Variants in LINGO2 observed in about 807,000 individuals in gnomAD.
LINGO2 encodes leucine rich repeat and Ig domain containing 2.
LINGO2 carries 14 observed loss-of-function variants against 30.6 expected under a neutral mutation model. The observed-to-expected ratio is 0.46, with a 90% CI of 0.30 to 0.72. The LOEUF (loss-of-function observed/expected upper bound fraction) is 0.72, where lower values mean the gene tolerates loss of function less well. Ranked by LOEUF, LINGO2 falls within the 30% of genes least tolerant of loss-of-function variation. The probability of loss-of-function intolerance (pLI) is 0.07; values close to 1 mark genes in which losing one functional copy is unlikely to be tolerated. For missense variants in LINGO2, 729 were observed against 751.7 expected (o/e 0.97, Z 0.35); for synonymous variants, 317 against 288.5 (o/e 1.10, Z -1.00).
At chr9:28,553,186 G>A (rs577785834) in intron 1 of LINGO2, among the ~76,000 whole-genome samples, 2 of 152,122 alleles carry the variant, frequency 1.3e-5, no homozygotes, top group East Asian at 1.9e-4. Context: ...GGCTTCAGAC[G>A]ATCAAATTAC....
chr9:29,062,253 A>G, the LINGO2 span, among the ~76,000 whole-genome samples: 1 of 152,138 alleles, frequency 6.6e-6, no homozygotes, highest in Non-Finnish European at 1.5e-5. Context: ...ATAAAATGGT[A>G]CAGCCATTAT....
At chr9:29,120,628 C>T in the LINGO2 span, among the ~76,000 whole-genome samples, 1 of 152,150 alleles carries the variant, frequency 6.6e-6, no homozygotes, top group African/African-American at 2.4e-5. Flanking sequence ...CTCCTACGTG[C>T]TATGCTTCTG....
intron 4 of LINGO2, among the ~76,000 whole-genome samples, chr9:28,052,960 C>T (rs1223305453): frequency 7.9e-6 from 1 of 126,708 alleles, no homozygotes; most frequent in Admixed American, 7.2e-5. Flanking sequence ...ATTGAGCATC[C>T]AGTACATGTA....
intron 1 of LINGO2, among the ~76,000 whole-genome samples, chr9:28,538,694 G>A (rs1821540923): frequency 6.6e-6 from 1 of 152,074 alleles, no homozygotes; most frequent in Non-Finnish European, 1.5e-5. Context: ...GGCAGAATTT[G>A]GAAGGTGCAA....
chr9:29,016,278 C>T, the LINGO2 span, among the ~76,000 whole-genome samples: 1 of 152,084 alleles, frequency 6.6e-6, no homozygotes, highest in Admixed American at 6.6e-5. Context: ...CAAGGTACCC[C>T]AGAGGGGAAG....
At chr9:28,975,333 T>A in the LINGO2 span, among the ~76,000 whole-genome samples, 1 of 152,206 alleles carries the variant, frequency 6.6e-6, no homozygotes, top group Non-Finnish European at 1.5e-5. Flanking sequence ...TTAAGGCTGA[T>A]GACCTATGAA....
intron 1 of LINGO2, among the ~76,000 whole-genome samples, chr9:28,607,906 C>G (rs1269744839): frequency 6.6e-6 from 1 of 151,980 alleles, no homozygotes; most frequent in Non-Finnish European, 1.5e-5. Context: ...CCAGAAACAA[C>G]AAACAACTGG....
the LINGO2 span, among the ~76,000 whole-genome samples, chr9:28,698,634 G>A: frequency 1.3e-5 from 2 of 151,804 alleles, no homozygotes; most frequent in Admixed American, 1.3e-4. Flanking sequence ...TTTTTTAAGA[G>A]TTTATTTTTT....
chr9:28,949,268 T>C, the LINGO2 span, among the ~76,000 whole-genome samples: 3 of 151,678 alleles, frequency 2.0e-5, no homozygotes, highest in Admixed American at 6.6e-5. Flanking sequence ...AGACCAGAAC[T>C]GAAGGAGATA....
chr9:28,471,104 A>G (rs978922996), intron 2 of LINGO2, among the ~76,000 whole-genome samples: 105 of 152,042 alleles, frequency 6.9e-4, no homozygotes, highest in African/African-American at 2.4e-3. Flanking sequence ...AACTTAGAGA[A>G]AGCCAAGGAA....
the LINGO2 span, among the ~76,000 whole-genome samples, chr9:29,171,932 C>A: frequency 6.6e-6 from 1 of 151,708 alleles, no homozygotes. Context: ...TAATGTATTA[C>A]CTGTGTAATA....
At chr9:28,851,370 A>G in the LINGO2 span, among the ~76,000 whole-genome samples, 4 of 151,974 alleles carry the variant, frequency 2.6e-5, no homozygotes, top group African/African-American at 9.7e-5. Context: ...GTCATTTCAT[A>G]TTGCTGCCTC....
chr9:28,880,137 C>G, the LINGO2 span, among the ~76,000 whole-genome samples: 1 of 152,146 alleles, frequency 6.6e-6, no homozygotes, highest in Non-Finnish European at 1.5e-5. Flanking sequence ...GAGACTGAGT[C>G]TCGCTCTGTC....
the LINGO2 span, among the ~76,000 whole-genome samples, chr9:28,735,184 AGAG>A: frequency 6.6e-6 from 1 of 152,176 alleles, no homozygotes; most frequent in Non-Finnish European, 1.5e-5. Context: ...GAGACAGGGT[AGAG>A]AAGAGTGGGA....
the LINGO2 span, among the ~76,000 whole-genome samples, chr9:29,109,185 A>G: frequency 2.0e-5 from 3 of 152,144 alleles, no homozygotes; most frequent in Non-Finnish European, 2.9e-5. Flanking sequence ...AAAGTGCTTA[A>G]CTAAATCAAT....
At chr9:28,347,148 T>C (rs1819613496) in intron 3 of LINGO2, among the ~76,000 whole-genome samples, 1 of 152,228 alleles carries the variant, frequency 6.6e-6, no homozygotes, top group African/African-American at 2.4e-5. Context: ...GAATCCATGG[T>C]TACATTTAAA....
At chr9:29,210,302 C>T in the LINGO2 span, among the ~76,000 whole-genome samples, 3 of 152,166 alleles carry the variant, frequency 2.0e-5, no homozygotes, top group Non-Finnish European at 4.4e-5. Flanking sequence ...AGAAAGAAAA[C>T]TTCCCTTATA....
At chr9:28,947,965 G>C in the LINGO2 span, among the ~76,000 whole-genome samples, 2 of 151,890 alleles carry the variant, frequency 1.3e-5, 1 homozygote, top group South Asian at 4.1e-4. Context: ...TAAAAACCTA[G>C]CTTCTTTCAG....
intron 1 of LINGO2, among the ~76,000 whole-genome samples, chr9:28,524,166 A>G (rs1252909958): frequency 1.3e-5 from 2 of 152,196 alleles, no homozygotes; most frequent in Non-Finnish European, 2.9e-5. Flanking sequence ...AAGATAATTA[A>G]AAGTGAAAAA....
Sources: gnomAD v4.1 joint callset for allele counts (sites outside exome capture counted in the v4.1 genomes callset) on GRCh38, gnomAD v4.1.1 for gene constraint, MANE v1.5 for transcripts, NCBI Gene and HGNC (gene_info 2026-07-23, HGNC 2026-07-21) for gene names.